PTPRK: variants seen among roughly 807,000 people sequenced by gnomAD.
PTPRK encodes the protein protein tyrosine phosphatase receptor type K.
A neutral mutation model predicts 178.0 loss-of-function variants in PTPRK; 75 were observed. The ratio of observed to expected loss-of-function variants is 0.42; its 90% CI spans 0.35 to 0.51. PTPRK has a LOEUF of 0.51. Among genes scored for constraint, PTPRK ranks in the 20% least tolerant of loss-of-function variants. The pLI is 0.02. For missense variants in PTPRK, 1,441 were observed against 1,797.8 expected (o/e 0.80, Z 3.59); for synonymous variants, 637 against 620.6 (o/e 1.03, Z -0.39).
intron 1 of PTPRK, among the ~76,000 whole-genome samples, chr6:128,511,039 T>C (rs1331555152): frequency 6.6e-6 from 1 of 152,188 alleles, no homozygotes; most frequent in Non-Finnish European, 1.5e-5. Flanking sequence ...TACAAATTTT[T>C]AATGTTAGAC....
rs1858888998 is a variant in PTPRK, at chr6:128,520,446, C to T, written c.-88G>A. ...TCCACGACGGAGGAGCGGGCCGGGC[C>T]TCGCGGGGTGAGGACGGTGAGAGGA... is the stretch of plus-strand genomic sequence containing the variant. On this transcript the variant is annotated 5_prime_UTR_variant, in exon 1 of 30. Transcript: ENST00000368226. 7.5e-7 allele frequency: 1 copy of T among 1,327,212 alleles called. No homozygotes were observed. The highest frequency in any genetic ancestry group is 1.1e-6 in the Non-Finnish European group (1 of 947,204). The allele number at this position is 1,327,212 out of a possible 1,614,324, so 82.2% of individuals were successfully genotyped here. A position where few individuals can be genotyped will look rare whatever the true frequency, so the allele number is the denominator to read the frequency against.
intron 7 of PTPRK, among the ~76,000 whole-genome samples, chr6:128,106,681 A>G (rs1789775882): frequency 6.6e-6 from 1 of 152,186 alleles, no homozygotes; most frequent in Admixed American, 6.5e-5. Flanking sequence ...CTTTTTATCT[A>G]CAAGTGAAAT....
At chr6:128,336,248 T>C (rs1014859093) in intron 2 of PTPRK, among the ~76,000 whole-genome samples, 4 of 152,096 alleles carry the variant, frequency 2.6e-5, no homozygotes, top group African/African-American at 9.7e-5. Context: ...CTGAGAATTG[T>C]ACTTTAATGT....
chr6:128,387,506 T>C lies in PTPRK; in HGVS notation c.223+10060A>G, dbSNP rs370962138. Among the ~76,000 whole-genome samples, 29 of 152,310 alleles carry C rather than the reference T, an allele frequency of 1.9e-4. No homozygotes were observed. In the East Asian group the frequency reaches 5.4e-3, roughly 28 times the overall value. ...GGAATCTTATTCCACCATTCTTTCT[T>C]TCACTGATTATAAATGTTTCCCTTA... On this transcript the variant is annotated intron_variant, in intron 2 of 29. Transcript: ENST00000368226.
chr6:128,332,816 A>C (rs1299224646), intron 2 of PTPRK, among the ~76,000 whole-genome samples: 1 of 152,146 alleles, frequency 6.6e-6, no homozygotes, highest in Non-Finnish European at 1.5e-5. Context: ...TCTTTCTTTG[A>C]AATCTGAAGT....
chr6:127,995,076 G>C (rs1776991289), intron 18 of PTPRK, among the ~76,000 whole-genome samples: 2 of 151,930 alleles, frequency 1.3e-5, no homozygotes, highest in Non-Finnish European at 2.9e-5. Context: ...TGGTAAAATA[G>C]ATCTTTACGC....
At chr6:128,478,714 C>T (rs1851677414) in intron 1 of PTPRK, among the ~76,000 whole-genome samples, 1 of 151,786 alleles carries the variant, frequency 6.6e-6, no homozygotes, top group African/African-American at 2.4e-5. Flanking sequence ...TTTCACTTGC[C>T]CATATCAGAG....
chr6:128,513,118 A>G (rs1857417013), intron 1 of PTPRK, among the ~76,000 whole-genome samples: 1 of 152,146 alleles, frequency 6.6e-6, no homozygotes, highest in Non-Finnish European at 1.5e-5. Context: ...CATTCTTTTA[A>G]AAAGCTTGTA....
intron 5 of PTPRK, among the ~76,000 whole-genome samples, chr6:128,237,714 T>C (rs1813550788): frequency 6.6e-6 from 1 of 152,212 alleles, no homozygotes; most frequent in Admixed American, 6.5e-5. Context: ...AATTCAGAAC[T>C]GAGCTTCTTG....
intron 2 of PTPRK, among the ~76,000 whole-genome samples, chr6:128,374,628 C>T (rs2128350904): frequency 6.6e-6 from 1 of 152,254 alleles, no homozygotes; most frequent in African/African-American, 2.4e-5. Context: ...ATAACCATCT[C>T]TGATTATATC....
chr6:128,437,647 G>A (rs1368762797), intron 1 of PTPRK, among the ~76,000 whole-genome samples: 3 of 152,206 alleles, frequency 2.0e-5, no homozygotes, highest in Admixed American at 6.5e-5. Flanking sequence ...CTGACCCAAG[G>A]CAGGAGGAGA....
At chr6:128,249,679 G>T (rs143904376) in intron 3 of PTPRK, among the ~76,000 whole-genome samples, 2 of 152,068 alleles carry the variant, frequency 1.3e-5, no homozygotes, top group African/African-American at 4.8e-5. Flanking sequence ...CTATCCAGGC[G>T]CTTTCCACAC....
At chr6:128,327,915 G>T (rs576401528) in intron 2 of PTPRK, among the ~76,000 whole-genome samples, 6 of 152,276 alleles carry the variant, frequency 3.9e-5, no homozygotes, top group Non-Finnish European at 8.8e-5. Flanking sequence ...AGTCTGCTGG[G>T]TCACTCAGGC....
intron 6 of PTPRK, among the ~76,000 whole-genome samples, chr6:128,190,705 GC>G (rs945336131): frequency 4.0e-5 from 6 of 151,824 alleles, no homozygotes; most frequent in African/African-American, 1.4e-4. Context: ...TACCATGTTG[GC>G]CAGGCTGGTC....
chr6:128,520,589 C>T lies in PTPRK; in HGVS notation c.-231G>A, dbSNP rs988818322. The stretch of plus-strand genomic sequence containing the variant: ...AGCTCTCCATGCTCGGCGGAGGCTG[C>T]TCCTGTTAGTCAAGAGTTACTTTGC... On this transcript the variant is annotated 5_prime_UTR_variant, in exon 1 of 30. Coordinates refer to ENST00000368226, the MANE Select transcript of PTPRK (RefSeq NM_002844.4). 6 of 525,838 alleles carry T rather than the reference C, an allele frequency of 1.1e-5. No homozygotes were observed. Among genetic ancestry groups the T allele is most frequent in the African/African-American group, 7.7e-5 (4 of 51,754 alleles). The allele number at this position is 525,838 out of a possible 1,614,324, so 32.6% of individuals were successfully genotyped here.
At chr6:128,298,002 G>A (rs145004828) in intron 3 of PTPRK, among the ~76,000 whole-genome samples, 1,638 of 152,104 alleles carry the variant, frequency 0.011, 31 homozygotes, top group African/African-American at 0.037. Context: ...GAAGAAAAGA[G>A]AGAAGAATCA....
chr6:128,252,425 C>T (rs149484798), intron 3 of PTPRK, among the ~76,000 whole-genome samples: 11 of 152,190 alleles, frequency 7.2e-5, no homozygotes, highest in African/African-American at 2.2e-4. Context: ...TAGATGTTGA[C>T]GCAGGTTTAT....
At chr6:128,223,583 CTT>C (rs1562820044) in intron 5 of PTPRK, among the ~76,000 whole-genome samples, 1 of 151,972 alleles carries the variant, frequency 6.6e-6, no homozygotes. Flanking sequence ...GTACAAAAGA[CTT>C]ATGTGATATT....
chr6:128,386,641 T>C (rs1008283427), intron 2 of PTPRK, among the ~76,000 whole-genome samples: 1 of 152,216 alleles, frequency 6.6e-6, no homozygotes, highest in Non-Finnish European at 1.5e-5. Flanking sequence ...GAAAACACAA[T>C]TCTAGATTTC....
Sources: gnomAD v4.1 joint callset for allele counts (sites outside exome capture counted in the v4.1 genomes callset) on GRCh38, gnomAD v4.1.1 for gene constraint, MANE v1.5 for transcripts, NCBI Gene and HGNC (gene_info 2026-07-23, HGNC 2026-07-21) for gene names.